DMBT1: variants seen among roughly 807,000 people sequenced by gnomAD.
DMBT1 encodes deleted in malignant brain tumors 1, also known as scavenger receptor cysteine-rich domain-containing protein DMBT1.
DMBT1 carries 198 observed loss-of-function variants against 252.9 expected under a neutral mutation model. That is an observed-to-expected ratio of 0.78 (90% CI 0.70 to 0.88). The LOEUF (loss-of-function observed/expected upper bound fraction) is 0.88, where lower values mean the gene tolerates loss of function less well. DMBT1 is among the 40% of genes least tolerant of loss of function. The pLI, the probability that DMBT1 is intolerant of heterozygous loss-of-function variation, is 0.00. For missense variants in DMBT1, 2,432 were observed against 2,404.7 expected (o/e 1.01, Z -0.24); for synonymous variants, 990 against 942.7 (o/e 1.05, Z -0.92).
At chr10:122,627,009 G>A (rs74160008) in intron 46 of DMBT1, among the ~76,000 whole-genome samples, 2,767 of 152,264 alleles carry the variant, frequency 0.018, 89 homozygotes, top group African/African-American at 0.063. Context: ...GAAATCTGTC[G>A]GGTGAGGCCA....
intron 15 of DMBT1, among the ~76,000 whole-genome samples, chr10:122,585,721 C>A (rs893665518): frequency 2.7e-5 from 4 of 148,500 alleles, no homozygotes; most frequent in African/African-American, 9.7e-5. Context: ...CAGACAGGAC[C>A]ATAGGATTGC....
chr10:122,635,489 G>A (rs2098219252), intron 52 of DMBT1, among the ~76,000 whole-genome samples: 1 of 152,156 alleles, frequency 6.6e-6, no homozygotes, highest in South Asian at 2.1e-4. Context: ...CATGGAGGTT[G>A]AGGGAAGATG....
chr10:122,579,714 C>T lies in DMBT1; in HGVS notation c.816C>T (p.Cys272=), dbSNP rs1408643568. 2.5e-6 allele frequency: 4 copies of T among 1,613,884 alleles called. No individual in the cohort carries two copies. In the South Asian group the frequency reaches 4.4e-5, roughly 18 times the overall value. Residue 272 remains cysteine, a synonymous_variant, in exon 10 of 56, where the codon TGC becomes TGT. Coordinates refer to ENST00000338354, the MANE Select transcript of DMBT1 (RefSeq NM_001377530.1). The stretch of plus-strand genomic sequence containing the variant: ...ACACCAATGATGCCAATGTGGTCTG[C>T]AGGCAGCTGGGCTGTGGCTGGGCCA... ...YWDTNDANVV[C]RQLGCGWAMS...
chr10:122,618,470 T>G (rs1431899578), intron 41 of DMBT1, 130 bp downstream of exon 41: 4 of 1,504,066 alleles, frequency 2.7e-6, no homozygotes, highest in Admixed American at 4.5e-5. Context: ...TCTTGTTAGC[T>G]CTCTGCTAAG....
At chr10:122,624,357 A>G (rs2098099120) in intron 44 of DMBT1, among the ~76,000 whole-genome samples, 1 of 152,204 alleles carries the variant, frequency 6.6e-6, no homozygotes, top group African/African-American at 2.4e-5. Context: ...TAAGTTGATG[A>G]AGAACATCAA....
Position 122,591,466 on chromosome 10 carries a change from T to C in DMBT1, c.2138-13T>C. The stretch of plus-strand genomic sequence containing the variant: ...ACTTTAATTCTAGCCTTTGTCTTTG[T>C]TGCAATTTACAGACACGTTGTCGAC... On this transcript the variant is annotated splice_polypyrimidine_tract_variant and intron_variant, in intron 18 of 55. Transcript: ENST00000338354. 1.3e-6 allele frequency: 2 copies of C among 1,586,008 alleles called. No individual in the cohort carries two copies. Among genetic ancestry groups the C allele is most frequent in the Non-Finnish European group, 1.7e-6 (2 of 1,163,716 alleles).
Position 122,600,078 on chromosome 10 carries a change from C to A in DMBT1, c.3295C>A (p.Pro1099Thr), listed in dbSNP as rs2097928581. 3 of 1,607,164 alleles carry A rather than the reference C, an allele frequency of 1.9e-6. No individual in the cohort carries two copies. Among genetic ancestry groups the A allele is most frequent in the Admixed American group, 3.4e-5 (2 of 58,654 alleles). ...GVICSASQSR[P>T]TPSPDTWPTS... ...CTTTCTCACAGCTTCCCAGTCCCGG[C>A]CAACACCTAGTCCAGGTGGGTCCCC... The change falls in exon 27 of 56, where the codon CCA becomes ACA. Residue 1099 changes from proline (P) to threonine (T), a missense_variant. By Grantham distance (38) the Pro-to-Thr change is conservative (BLOSUM62 -1). This residue lies in a region of DMBT1 where 1,264 missense variants were observed against 1,082.2 expected (regional missense o/e 1.17). Coordinates refer to ENST00000338354, the MANE Select transcript of DMBT1 (RefSeq NM_001377530.1).
intron 44 of DMBT1, among the ~76,000 whole-genome samples, chr10:122,624,918 T>C (rs561684191): frequency 2.0e-5 from 3 of 152,362 alleles, no homozygotes; most frequent in African/African-American, 4.8e-5. Context: ...CTCTTTGCAC[T>C]GGCCTCTTCC....
In DMBT1 at chr10:122,620,294, A is replaced by T; in HGVS notation, c.5284+3A>T. The T allele has an allele frequency of 6.2e-7, 1 of 1,613,978 alleles. No homozygotes were observed. Among genetic ancestry groups the T allele is most frequent in the Non-Finnish European group, 8.5e-7 (1 of 1,179,864 alleles). On this transcript the variant is annotated splice_donor_region_variant and intron_variant, in intron 43 of 55. Transcript: ENST00000338354. ...CAACTTACCGGCATTGACAGTAGGT[A>T]AATAATCCTCTCGCCCCTCCCTAGG...
At chr10:122,565,893 T>A in intron 1 of DMBT1, 74 bp from the exon 2 acceptor site, 4 of 1,513,806 alleles carry the variant, frequency 2.6e-6, no homozygotes, top group Non-Finnish European at 2.7e-6. Flanking sequence ...ACGGTGAAGC[T>A]AAAGCCAATT....
chr10:122,599,979 C>T, intron 26 of DMBT1, 85 bp from the exon 27 acceptor site: 2 of 1,542,488 alleles, frequency 1.3e-6, no homozygotes, highest in South Asian at 2.3e-5. Flanking sequence ...GAGTGTCAGA[C>T]TCGCCCATTT....
intron 14 of DMBT1, 79 bp from the exon 15 acceptor site, chr10:122,585,192 G>T: frequency 1.3e-6 from 2 of 1,524,222 alleles, no homozygotes; most frequent in Non-Finnish European, 1.8e-6. Flanking sequence ...CATGATGCTC[G>T]CCTTCTCCGG....
intron 52 of DMBT1, among the ~76,000 whole-genome samples, chr10:122,633,915 C>T (rs1422226905): frequency 1.3e-5 from 2 of 152,146 alleles, no homozygotes; most frequent in Non-Finnish European, 2.9e-5. Context: ...AGGAGGATCA[C>T]CTGAATGCAG....
intron 10 of DMBT1, among the ~76,000 whole-genome samples, chr10:122,580,142 G>C (rs1350388770): frequency 6.6e-6 from 1 of 152,142 alleles, no homozygotes; most frequent in Non-Finnish European, 1.5e-5. Flanking sequence ...AGGCAAGGAA[G>C]AGGCAGAAGA....
At chr10:122,627,352 A>T (rs974548782) in intron 46 of DMBT1, among the ~76,000 whole-genome samples, 1 of 152,198 alleles carries the variant, frequency 6.6e-6, no homozygotes, top group Middle Eastern at 3.2e-3. Context: ...ATACACACAC[A>T]CAAACACACA....
chr10:122,584,419 C>A, intron 14 of DMBT1, 68 bp downstream of exon 14: 1 of 334,012 alleles, frequency 3.0e-6, no homozygotes, highest in Non-Finnish European at 5.4e-6. Context: ...TTCTGCACTC[C>A]ACAGAGCCCT....
Position 122,633,075 on chromosome 10 carries a change from C to G in DMBT1, c.6398-116C>G, listed in dbSNP as rs915228003. The G allele has an allele frequency of 5.3e-6, 8 of 1,498,588 alleles. No homozygotes were observed. In the Admixed American group the frequency reaches 1.7e-4, roughly 33 times the overall value. The allele number at this position is 1,498,588 out of a possible 1,614,324, so 92.8% of individuals were successfully genotyped here. Reference sequence around the variant, plus strand: ...GCCACCTCTTGCTCTTACTTGGTTTCTGTCTTGGGAATTATTTTATAAAAT... The same window carrying G: ...GCCACCTCTTGCTCTTACTTGGTTTGTGTCTTGGGAATTATTTTATAAAAT... On this transcript the variant is annotated intron_variant, in intron 51 of 55. Coordinates refer to ENST00000338354, the MANE Select transcript of DMBT1 (RefSeq NM_001377530.1).
In DMBT1 at chr10:122,621,039, T is replaced by A; in HGVS notation, c.5285-18T>A. On this transcript the variant is annotated intron_variant, in intron 43 of 55. Transcript: ENST00000338354. ...CTCATAATCAGTATGGATGAAGGGT[T>A]CTTGTGTTCCCCTGTAGGATCTGAA... 1 of 1,612,538 alleles carries A rather than the reference T, an allele frequency of 6.2e-7. No homozygotes were observed. The highest frequency in any genetic ancestry group is 8.5e-7 in the Non-Finnish European group (1 of 1,179,684).
intron 53 of DMBT1, 29 bp from the exon 54 acceptor site, chr10:122,637,099 T>G: frequency 6.2e-7 from 1 of 1,605,446 alleles, no homozygotes. Context: ...GGGCAGTGAC[T>G]GAGTGCCTTA....
Sources: gnomAD v4.1 joint callset for allele counts (sites outside exome capture counted in the v4.1 genomes callset) on GRCh38, gnomAD v4.1.1 for gene constraint, gnomAD v4.1.1 regional missense constraint, MANE v1.5 for transcripts, NCBI Gene and HGNC (gene_info 2026-07-23, HGNC 2026-07-21) for gene names.